The following MARCHF1 variants were observed in gnomAD, a reference collection of about 807,000 sequenced individuals.
MARCHF1 encodes membrane associated ring-CH-type finger 1, also known as E3 ubiquitin-protein ligase MARCHF1.
MARCHF1 carries 40 observed loss-of-function variants against 54.2 expected under a neutral mutation model. The ratio of observed to expected loss-of-function variants is 0.74; its 90% CI spans 0.57 to 0.96. The LOEUF (loss-of-function observed/expected upper bound fraction) is 0.96, where lower values mean the gene tolerates loss of function less well. Ranked by LOEUF, MARCHF1 falls within the 40% of genes least tolerant of loss-of-function variation. MARCHF1 has a pLI of 0.00. For synonymous variants in MARCHF1, 236 were observed against 236.3 expected (o/e 1.00, Z 0.01); for missense variants, 586 against 656.5 (o/e 0.89, Z 1.17).
chr4:164,142,818 C>G (rs190019386), intron 1 of MARCHF1, among the ~76,000 whole-genome samples: 2 of 152,074 alleles, frequency 1.3e-5, no homozygotes, highest in African/African-American at 4.8e-5. Flanking sequence ...CAAAGCTGGA[C>G]GGAGAATGAC....
chr4:163,799,464 T>TA (rs1236866461), intron 4 of MARCHF1, among the ~76,000 whole-genome samples: 2 of 152,110 alleles, frequency 1.3e-5, no homozygotes, highest in Non-Finnish European at 2.9e-5. Flanking sequence ...ATAATTTAAA[T>TA]AAATTTAATT....
At chr4:163,565,817 G>T (rs1242093108) in intron 8 of MARCHF1, among the ~76,000 whole-genome samples, 5 of 152,120 alleles carry the variant, frequency 3.3e-5, no homozygotes, top group African/African-American at 4.8e-5. Flanking sequence ...TCTCTCTGGG[G>T]ATTATCACTG....
chr4:163,971,775 C>A (rs1310064366), intron 3 of MARCHF1, among the ~76,000 whole-genome samples: 1 of 152,156 alleles, frequency 6.6e-6, no homozygotes, highest in Non-Finnish European at 1.5e-5. Flanking sequence ...TATTGGAGAG[C>A]TGCTAATGTT....
At chr4:163,566,734 T>A (rs1439472749) in intron 8 of MARCHF1, among the ~76,000 whole-genome samples, 2 of 152,148 alleles carry the variant, frequency 1.3e-5, no homozygotes, top group African/African-American at 2.4e-5. Flanking sequence ...GAAGTACCTT[T>A]AGAAGTGACA....
At chr4:163,895,902 C>A (rs1750796048) in intron 3 of MARCHF1, among the ~76,000 whole-genome samples, 1 of 152,060 alleles carries the variant, frequency 6.6e-6, no homozygotes, top group Non-Finnish European at 1.5e-5. Context: ...AGCATGACCC[C>A]CCCACTGCCC....
chr4:163,745,194 C>A (rs771571202), intron 4 of MARCHF1, among the ~76,000 whole-genome samples: 1 of 151,054 alleles, frequency 6.6e-6, no homozygotes, highest in Non-Finnish European at 1.5e-5. Context: ...CTCATGGCAA[C>A]CTCTGTTTTT....
chr4:164,122,990 G>GAAATAAATTC (rs1756103841), intron 1 of MARCHF1, among the ~76,000 whole-genome samples: 6 of 152,000 alleles, frequency 3.9e-5, no homozygotes, highest in African/African-American at 1.4e-4. Flanking sequence ...GAAATAAAGG[G>GAAATAAATTC]CATCCAAACT....
chr4:163,705,052 G>A (rs1744910824), intron 4 of MARCHF1, among the ~76,000 whole-genome samples: 1 of 151,634 alleles, frequency 6.6e-6, no homozygotes, highest in Admixed American at 6.6e-5. Context: ...TTATATTTAA[G>A]TAAAGCAAAA....
intron 1 of MARCHF1, among the ~76,000 whole-genome samples, chr4:164,136,177 T>C (rs2110837532): frequency 6.7e-6 from 1 of 149,484 alleles, no homozygotes; most frequent in East Asian, 2.0e-4. Context: ...TATGTTCTTC[T>C]CACAGTGCAC....
Position 164,151,256 on chromosome 4 carries a change from G to A in MARCHF1, c.-322-39594C>T, listed in dbSNP as rs113772740. Among the ~76,000 whole-genome samples, 1,036 of 152,198 alleles carry A rather than the reference G, an allele frequency of 6.8e-3. 7 individuals are homozygous for A. The highest frequency in any genetic ancestry group is 0.011 in the Non-Finnish European group (729 of 67,980). On this transcript the variant is annotated intron_variant, in intron 1 of 9. Transcript: ENST00000514618. ...AATAGGAGAGCTAAGACAGTTCTAA[G>A]GAGAAAAAACATTACAGAAGCTCCT...
chr4:164,242,267 G>A (rs1389540939), intron 1 of MARCHF1, among the ~76,000 whole-genome samples: 10 of 140,232 alleles, frequency 7.1e-5, no homozygotes, highest in Admixed American at 5.7e-4. Flanking sequence ...CTCCCAGCAC[G>A]CAGCTGGAGA....
intron 4 of MARCHF1, among the ~76,000 whole-genome samples, chr4:163,803,111 T>C (rs1431801089): frequency 1.3e-5 from 2 of 152,186 alleles, no homozygotes; most frequent in Admixed American, 6.6e-5. Flanking sequence ...ACACACATCA[T>C]TGGGAAGTTA....
intron 2 of MARCHF1, among the ~76,000 whole-genome samples, chr4:163,991,083 A>G (rs759938819): frequency 2.0e-5 from 3 of 152,170 alleles, no homozygotes; most frequent in Non-Finnish European, 2.9e-5. Flanking sequence ...AGTTATTTCA[A>G]TTAGCTTTCT....
At chr4:164,154,677 T>G (rs1730030400) in intron 1 of MARCHF1, among the ~76,000 whole-genome samples, 1 of 152,204 alleles carries the variant, frequency 6.6e-6, no homozygotes, top group South Asian at 2.1e-4. Flanking sequence ...GGTAGGAGTC[T>G]GAGACTCCCA....
At chr4:164,240,554 C>T (rs1159978087) in intron 1 of MARCHF1, among the ~76,000 whole-genome samples, 5 of 152,006 alleles carry the variant, frequency 3.3e-5, no homozygotes. Flanking sequence ...TCTTCCTCTG[C>T]TTGTCCCTTA....
chr4:163,700,817 G>A lies in MARCHF1; in HGVS notation c.158C>T (p.Ser53Leu). Residue 53 changes from serine to leucine, a missense_variant, in exon 5 of 10, where the codon TCA becomes TTA. By Grantham distance (145) the Ser-to-Leu change is moderately radical. Around this residue, in one of 3 missense-constraint regions of MARCHF1, gnomAD observed 387 missense variants for 394.6 expected, o/e 0.98. Transcript: ENST00000514618. ...GAAAATGAGTACTTCACCTACTTTTGAAATGTTACTTGATCGACTTGCAGA... is the reference window on the plus strand; with the variant it reads ...GAAAATGAGTACTTCACCTACTTTTAAAATGTTACTTGATCGACTTGCAGA... The part of the protein sequence containing the change: ...GRSASRSSNI[S>L]KASSPTTGTA... 1 of 1,535,882 alleles carries A rather than the reference G, an allele frequency of 6.5e-7. No homozygotes were observed.
intron 1 of MARCHF1, among the ~76,000 whole-genome samples, chr4:164,281,298 G>T (rs1169332848): frequency 6.6e-6 from 1 of 152,106 alleles, no homozygotes; most frequent in African/African-American, 2.4e-5. Flanking sequence ...CTCTTCTAGG[G>T]TTGGATATAC....
In MARCHF1 at chr4:163,883,615, G is replaced by A. The variant is rs756956765; in HGVS notation, c.-38-29446C>T. Among the ~76,000 whole-genome samples, 13 of 152,122 alleles carry A rather than the reference G, an allele frequency of 8.5e-5. No homozygotes were observed. The South Asian group carries it at 1.5e-3, about 17-fold the overall frequency. On this transcript the variant is annotated intron_variant, in intron 3 of 9. Transcript: ENST00000514618. ...TTTTCCTGAAGCATACAGATAGGACGGCCAGATAAAATACAAGATGCCTAG... is the reference window on the plus strand; with the variant it reads ...TTTTCCTGAAGCATACAGATAGGACAGCCAGATAAAATACAAGATGCCTAG...
chr4:164,351,253 G>T (rs796758317), intron 1 of MARCHF1, among the ~76,000 whole-genome samples: 1 of 148,060 alleles, frequency 6.8e-6, no homozygotes, highest in African/African-American at 2.5e-5. Flanking sequence ...ACTGGGTGGA[G>T]CCCACGACAG....
Sources: gnomAD v4.1 joint callset for allele counts (sites outside exome capture counted in the v4.1 genomes callset) on GRCh38, gnomAD v4.1.1 for gene constraint, gnomAD v4.1.1 regional missense constraint, MANE v1.5 for transcripts, NCBI Gene and HGNC (gene_info 2026-07-23, HGNC 2026-07-21) for gene names.